C19orf47: variants seen among roughly 807,000 people sequenced by gnomAD.
C19orf47 encodes the protein uncharacterized protein C19orf47.
C19orf47 carries 18 observed loss-of-function variants against 32.3 expected under a neutral mutation model. The ratio of observed to expected loss-of-function variants is 0.56; its 90% CI spans 0.39 to 0.83. The LOEUF is 0.83. Among genes scored for constraint, C19orf47 ranks in the 40% least tolerant of loss-of-function variants. C19orf47 has a pLI of 0.00. For missense variants in C19orf47, 484 were observed against 531.6 expected (o/e 0.91, Z 0.88); for synonymous variants, 202 against 211.1 (o/e 0.96, Z 0.37).
intron 4 of C19orf47, 41 bp from the exon 5 acceptor site, chr19:40,333,970 T>C: frequency 1.4e-6 from 2 of 1,475,352 alleles, no homozygotes; most frequent in Non-Finnish European, 1.8e-6. Flanking sequence ...CACAGAAGAA[T>C]CATGCATCAA....
rs2078270240 is a variant in C19orf47 at position 40,346,040 on chromosome 19, C to A, written c.-34+2284G>T. Among the ~76,000 whole-genome samples, 7 of 150,332 alleles carry A rather than the reference C, an allele frequency of 4.7e-5. No individual in the cohort carries two copies. In the Admixed American group the frequency reaches 4.7e-4, roughly 10 times the overall value. On this transcript the variant is annotated intron_variant, in intron 1 of 8. Transcript: ENST00000683109. ...GCATGGTGGCAGGCACCTGTAATCC[C>A]AGCTACTCGGGAGGCTGAGGCAGGA... is the stretch of plus-strand genomic sequence containing the variant.
intron 8 of C19orf47, 139 bp downstream of exon 8, chr19:40,323,867 A>G (rs2145519632): frequency 9.3e-7 from 1 of 1,069,650 alleles, no homozygotes; most frequent in Middle Eastern, 2.0e-4. Context: ...CCGCCAGTGC[A>G]AAGCCAGGAA....
the C19orf47 span, among the ~76,000 whole-genome samples, chr19:40,299,062 A>G: frequency 1.1e-4 from 17 of 152,118 alleles, no homozygotes; most frequent in Admixed American, 9.2e-4. Context: ...AGAGTGAAAG[A>G]TTTTCTTTTT....
At chr19:40,312,418 G>A in the C19orf47 span, among the ~76,000 whole-genome samples, 7 of 152,122 alleles carry the variant, frequency 4.6e-5, no homozygotes, top group African/African-American at 7.2e-5. Flanking sequence ...GGTGGCGGGC[G>A]CCTGTAGTCC....
chr19:40,329,793 C>G (rs925967652), intron 5 of C19orf47, among the ~76,000 whole-genome samples: 2 of 152,172 alleles, frequency 1.3e-5, no homozygotes, highest in African/African-American at 2.4e-5. Context: ...TCTGGCTATG[C>G]AGAATCTGTC....
the C19orf47 span, among the ~76,000 whole-genome samples, chr19:40,297,893 C>T: frequency 1.3e-5 from 2 of 148,776 alleles, no homozygotes; most frequent in Non-Finnish European, 3.0e-5. Flanking sequence ...AAAAAATAGC[C>T]GGGTTTGGTG....
chr19:40,332,086 GC>G (rs1406904684), intron 5 of C19orf47, among the ~76,000 whole-genome samples: 1 of 151,794 alleles, frequency 6.6e-6, no homozygotes, highest in Non-Finnish European at 1.5e-5. Context: ...ACCAAAAATA[GC>G]CAGGTGCAGT....
At chr19:40,348,087 C>A (rs892830682) in intron 1 of C19orf47, among the ~76,000 whole-genome samples, 11 of 152,160 alleles carry the variant, frequency 7.2e-5, no homozygotes, top group African/African-American at 2.7e-4. Flanking sequence ...GAGCGTTATG[C>A]GGAGGCGCTG....
intron 8 of C19orf47, 27 bp from the exon 9 acceptor site, chr19:40,322,403 G>C: frequency 6.5e-7 from 1 of 1,530,778 alleles, no homozygotes. Context: ...CAGGATGAAT[G>C]AGTCACTGAG....
chr19:40,321,674 T>A lies in C19orf47; in HGVS notation c.*208A>T. ...CACAGAGGACATGAGAGAAGGGGAGTCCTGGAGCAGGCCAGGCCAGCTGCG... is the reference window on the plus strand; with the variant it reads ...CACAGAGGACATGAGAGAAGGGGAGACCTGGAGCAGGCCAGGCCAGCTGCG... On this transcript the variant is annotated 3_prime_UTR_variant, in exon 9 of 9. Transcript: ENST00000683109. 2.2e-6 allele frequency: 3 copies of A among 1,377,304 alleles called. No homozygotes were observed. Among genetic ancestry groups the A allele is most frequent in the Non-Finnish European group, 2.8e-6 (3 of 1,065,936 alleles). The allele number at this position is 1,377,304 out of a possible 1,614,324, so 85.3% of individuals were successfully genotyped here.
the C19orf47 span, among the ~76,000 whole-genome samples, chr19:40,294,043 C>T: frequency 6.6e-6 from 1 of 152,088 alleles, no homozygotes; most frequent in Non-Finnish European, 1.5e-5. Flanking sequence ...TCGCTTGAAC[C>T]TGTGAGGCGG....
At chr19:40,340,755 G>C (rs761111822) in intron 2 of C19orf47, among the ~76,000 whole-genome samples, 2 of 151,100 alleles carry the variant, frequency 1.3e-5, no homozygotes, top group Non-Finnish European at 2.9e-5. Context: ...GAGGCAGGAG[G>C]ATCTCTTGAG....
At chr19:40,324,742 C>T (rs2145525499) in intron 7 of C19orf47, 1 of 152,330 alleles carries the variant, frequency 6.6e-6, no homozygotes, top group Admixed American at 6.5e-5. Context: ...AGTGGTGACT[C>T]ATGTCTGTAA....
intron 7 of C19orf47, 109 bp downstream of exon 7, chr19:40,326,225 C>G (rs79565709): frequency 1.9e-4 from 278 of 1,467,266 alleles, no homozygotes; most frequent in Middle Eastern, 2.4e-4. Context: ...CCTGCATCCC[C>G]GTTAGAACCT....
At chr19:40,342,288 C>A in intron 1 of C19orf47, 1 of 217,614 alleles carries the variant, frequency 4.6e-6, no homozygotes, top group Non-Finnish European at 9.2e-6. Flanking sequence ...GAGTTCAAGA[C>A]CAGCCTGGAC....
In C19orf47 at chr19:40,340,021, A is replaced by G. The variant is rs1018449612; in HGVS notation, c.19+1818T>C. ...CAAAAAAAGAAAGGTAAGGCAAGAA[A>G]ATATGTTCACAGAATGATTTATTCC... On this transcript the variant is annotated intron_variant, in intron 2 of 8. Coordinates refer to ENST00000683109, the MANE Select transcript of C19orf47 (RefSeq NM_001256441.2). Among the ~76,000 whole-genome samples, 12 of 152,076 alleles carry G rather than the reference A, an allele frequency of 7.9e-5. No homozygotes were observed. In the East Asian group the frequency reaches 1.9e-3, roughly 25 times the overall value.
chr19:40,325,989 T>C (rs553430822), intron 7 of C19orf47, among the ~76,000 whole-genome samples: 2 of 152,292 alleles, frequency 1.3e-5, no homozygotes, highest in South Asian at 2.1e-4. Flanking sequence ...TTGGACTATA[T>C]CTCCACTCGT....
rs57699777 is a variant in C19orf47, at chr19:40,343,795, A to ATT, written c.-33-1907_-33-1906dup. The stretch of plus-strand genomic sequence containing the variant: ...CTTGCCCTTCTCTGGCTTCTGCTCA[A>ATT]TTTTTTTTTTTTTTTTTTGAGACAA... On this transcript the variant is annotated intron_variant, in intron 1 of 8. Coordinates refer to ENST00000683109, the MANE Select transcript of C19orf47 (RefSeq NM_001256441.2). The ATT allele has an allele frequency of 6.0e-4, 81 of 135,910 alleles. 1 individual carries two copies. The highest frequency in any genetic ancestry group is 3.8e-3 in the Middle Eastern group (1 of 260). The allele number at this position is 135,910 out of a possible 1,614,324, so 8.4% of individuals were successfully genotyped here.
At chr19:40,336,040 A>G (rs2078058212) in intron 4 of C19orf47, 70 bp downstream of exon 4, 1 of 1,429,252 alleles carries the variant, frequency 7.0e-7, no homozygotes, top group African/African-American at 1.4e-5. Flanking sequence ...CAGGCCTCCC[A>G]TTGGCTCTGC....
Sources: gnomAD v4.1 joint callset for allele counts (sites outside exome capture counted in the v4.1 genomes callset) on GRCh38, gnomAD v4.1.1 for gene constraint, MANE v1.5 for transcripts, NCBI Gene and HGNC (gene_info 2026-07-23, HGNC 2026-07-21) for gene names.